SLC9A8: variants seen among roughly 807,000 people sequenced by gnomAD.
The protein encoded by SLC9A8 is solute carrier family 9 member A8, also known as sodium/hydrogen exchanger 8.
A neutral mutation model predicts 66.6 loss-of-function variants in SLC9A8; 48 were observed. The observed-to-expected ratio is 0.72, with a 90% CI of 0.57 to 0.92. The LOEUF (loss-of-function observed/expected upper bound fraction) is 0.92. Among genes scored for constraint, SLC9A8 ranks in the 40% least tolerant of loss-of-function variants. The pLI is 0.00. For missense variants in SLC9A8, 599 were observed against 747.3 expected (o/e 0.80, Z 2.31); for synonymous variants, 274 against 282.6 (o/e 0.97, Z 0.31).
At chr20:49,829,398 G>A (rs1179175791) in intron 3 of SLC9A8, 3 of 161,284 alleles carry the variant, frequency 1.9e-5, no homozygotes, top group Non-Finnish European at 2.7e-5. Context: ...GGTGGCGGGC[G>A]TCTAGTCCTA....
Position 49,812,966 on chromosome 20 carries a change from C to A in SLC9A8, c.26+18C>A. ...GAAGAGGAGTGAGTGGGCTTTTTCC[C>A]GGGCGGCGGAGGCGGCGGGGCTGGG... On this transcript the variant is annotated intron_variant, in intron 1 of 15. Transcript: ENST00000361573. 7.2e-7 allele frequency: 1 copy of A among 1,395,608 alleles called. No homozygotes were observed. 86.5% of individuals were successfully genotyped at this position (1,395,608 alleles called of 1,614,324 possible). A position where few individuals can be genotyped will look rare whatever the true frequency, so the allele number is the denominator to read the frequency against.
intron 5 of SLC9A8, 45 bp downstream of exon 5, chr20:49,845,164 C>T (rs755333607): frequency 7.1e-7 from 1 of 1,415,104 alleles, no homozygotes; most frequent in Non-Finnish European, 1.0e-6. Context: ...GACAGTTTCT[C>T]ATGTTTGTAA....
At chr20:49,875,142 TTAA>T (rs2089375247) in intron 11 of SLC9A8, among the ~76,000 whole-genome samples, 2 of 152,062 alleles carry the variant, frequency 1.3e-5, no homozygotes, top group Non-Finnish European at 2.9e-5. Flanking sequence ...AAATAAAATA[TTAA>T]TGATGGTTTG....
intron 8 of SLC9A8, among the ~76,000 whole-genome samples, chr20:49,856,114 C>A (rs1255462398): frequency 6.6e-6 from 1 of 152,062 alleles, no homozygotes; most frequent in Non-Finnish European, 1.5e-5. Context: ...TTTCGACCTG[C>A]CTTTTAGTAG....
At chr20:49,821,552 A>C (rs1241714758) in intron 2 of SLC9A8, among the ~76,000 whole-genome samples, 1 of 152,190 alleles carries the variant, frequency 6.6e-6, no homozygotes, top group Non-Finnish European at 1.5e-5. Flanking sequence ...AAAGAAACCT[A>C]ATTTGTCAGT....
Position 49,849,229 on chromosome 20 carries a change from C to T in SLC9A8, c.433-350C>T, listed in dbSNP as rs1284638042. 4.6e-5 allele frequency among the ~76,000 whole-genome samples: 7 copies of T among 152,224 alleles called. No homozygotes were observed. The South Asian group carries it at 6.2e-4, about 14-fold the overall frequency. On this transcript the variant is annotated intron_variant, in intron 5 of 15. Transcript: ENST00000361573. Reference sequence around the variant, plus strand: ...AATCATTCAGGGTGGGGGCTAGCTGCATTTTAAGTGGAAATAGGGGTCCAG... The same window carrying T: ...AATCATTCAGGGTGGGGGCTAGCTGTATTTTAAGTGGAAATAGGGGTCCAG...
chr20:49,884,229 C>CG lies in SLC9A8; in HGVS notation c.1491+163_1491+164insG, dbSNP rs1405968373. The CG allele has an allele frequency of 7.4e-4, 165 of 222,478 alleles. 3 individuals carry two copies. Among genetic ancestry groups the CG allele is most frequent in the African/African-American group, 4.2e-3 (90 of 21,334 alleles). 13.8% of individuals were successfully genotyped at this position (222,478 alleles called of 1,614,324 possible). On this transcript the variant is annotated intron_variant, in intron 14 of 15. Coordinates refer to ENST00000361573, the MANE Select transcript of SLC9A8 (RefSeq NM_015266.3). The stretch of plus-strand genomic sequence containing the variant: ...ACACACACACACACACACACACACA[C>CG]ACACACACACACGACACACACACAC...
At chr20:49,874,635 T>A in intron 10 of SLC9A8, 70 bp from the exon 11 acceptor site, 1 of 973,644 alleles carries the variant, frequency 1.0e-6, no homozygotes, top group Admixed American at 1.7e-5. Flanking sequence ...CCCAGGGCCT[T>A]GCAGGCATTG....
chr20:49,873,448 C>T (rs2089287681), intron 10 of SLC9A8, among the ~76,000 whole-genome samples: 1 of 146,316 alleles, frequency 6.8e-6, no homozygotes, highest in Non-Finnish European at 1.5e-5. Flanking sequence ...CGCCATTGCA[C>T]TCCAGCCTGG....
chr20:49,854,453 T>C (rs2088383419), intron 7 of SLC9A8, among the ~76,000 whole-genome samples: 1 of 152,232 alleles, frequency 6.6e-6, no homozygotes, highest in African/African-American at 2.4e-5. Context: ...CTTGCTTACA[T>C]GTGTCATCCC....
intron 8 of SLC9A8, among the ~76,000 whole-genome samples, chr20:49,862,647 C>T (rs550124221): frequency 8.5e-5 from 13 of 152,320 alleles, no homozygotes; most frequent in Admixed American, 3.9e-4. Context: ...CAGCCCTCTA[C>T]CCCTCCCGCG....
chr20:49,822,897 T>C (rs550164065), intron 2 of SLC9A8, among the ~76,000 whole-genome samples, 164 bp from the exon 3 acceptor site: 2 of 152,130 alleles, frequency 1.3e-5, no homozygotes, highest in Non-Finnish European at 2.9e-5. Flanking sequence ...GTACCTCCAG[T>C]TTAAGAAATG....
At chr20:49,820,454 C>A (rs2086692616) in intron 2 of SLC9A8, among the ~76,000 whole-genome samples, 1 of 151,932 alleles carries the variant, frequency 6.6e-6, no homozygotes, top group Non-Finnish European at 1.5e-5. Context: ...TGAGATTGCA[C>A]CACTGCACTC....
chr20:49,875,794 G>A (rs1026458381), intron 11 of SLC9A8, among the ~76,000 whole-genome samples: 1 of 151,962 alleles, frequency 6.6e-6, no homozygotes, highest in African/African-American at 2.4e-5. Flanking sequence ...GGGTGCAGTG[G>A]CGTGATCTCA....
chr20:49,830,657 G>A, intron 3 of SLC9A8: 2 of 644,856 alleles, frequency 3.1e-6, no homozygotes, highest in Non-Finnish European at 2.8e-6. Context: ...GGGGCCTATA[G>A]GAGGACTGCA....
chr20:49,885,524 C>T (rs2089857539), intron 14 of SLC9A8, among the ~76,000 whole-genome samples: 1 of 152,226 alleles, frequency 6.6e-6, no homozygotes, highest in Admixed American at 6.5e-5. Flanking sequence ...GATGGGGTCT[C>T]ACCATGTGGT....
At chr20:49,887,480 C>T (rs1252355967) in intron 15 of SLC9A8, among the ~76,000 whole-genome samples, 1 of 152,160 alleles carries the variant, frequency 6.6e-6, no homozygotes, top group Admixed American at 6.5e-5. Flanking sequence ...CAGCTGTGTC[C>T]CTGACAGCTG....
chr20:49,877,390 A>G (rs2869935), intron 11 of SLC9A8, among the ~76,000 whole-genome samples: 42,491 of 151,988 alleles, frequency 0.28, 6,308 homozygotes, highest in Non-Finnish European at 0.34. Context: ...GAAATTTATA[A>G]GGTGCTTTTT....
chr20:49,877,300 A>AT (rs1406379940), intron 11 of SLC9A8, among the ~76,000 whole-genome samples: 19 of 151,980 alleles, frequency 1.3e-4, no homozygotes, highest in African/African-American at 3.9e-4. Flanking sequence ...TCTCTAAAAA[A>AT]ATATATATAC....
Sources: allele counts gnomAD v4.1 joint callset (sites outside exome capture counted in the v4.1 genomes callset), GRCh38; gene constraint gnomAD v4.1.1; transcripts MANE v1.5; gene names NCBI Gene and HGNC (gene_info 2026-07-23, HGNC 2026-07-21).